Variants in ADAMTSL1 observed in about 807,000 individuals in gnomAD.
The protein encoded by ADAMTSL1 is ADAMTS-like protein 1.
Under a neutral mutation model 201.8 loss-of-function variants are expected in ADAMTSL1, and 126 were observed. The ratio of observed to expected loss-of-function variants is 0.62; its 90% confidence interval spans 0.54 to 0.72. The LOEUF (loss-of-function observed/expected upper bound fraction) is 0.72, where lower values mean the gene tolerates loss of function less well. Ranked by LOEUF, ADAMTSL1 falls within the 30% of genes least tolerant of loss-of-function variation. ADAMTSL1 has a pLI of 0.00. For missense variants in ADAMTSL1, 2,679 were observed against 2,277.8 expected (o/e 1.18, Z -3.59); for synonymous variants, 1,121 against 903.4 (o/e 1.24, Z -4.32).
chr9:18,211,119 A>G (rs962236300), intron 2 of ADAMTSL1, among the ~76,000 whole-genome samples: 2 of 152,136 alleles, frequency 1.3e-5, no homozygotes, highest in African/African-American at 4.8e-5. Flanking sequence ...ATGGTCCCAA[A>G]TTTTTAAACA....
intron 2 of ADAMTSL1, among the ~76,000 whole-genome samples, chr9:18,313,664 A>C (rs1587532849): frequency 6.6e-6 from 1 of 152,312 alleles, no homozygotes; most frequent in South Asian, 2.1e-4. Context: ...TATATTTTTA[A>C]AAAACTTAAA....
At chr9:18,577,292 C>T (rs1037121573) in intron 4 of ADAMTSL1, among the ~76,000 whole-genome samples, 1 of 152,222 alleles carries the variant, frequency 6.6e-6, no homozygotes, top group East Asian at 1.9e-4. Context: ...TTGAGACCTG[C>T]CTGGCCAACA....
intron 1 of ADAMTSL1, among the ~76,000 whole-genome samples, chr9:18,124,554 T>A (rs1038616503): frequency 2.0e-5 from 3 of 152,190 alleles, no homozygotes; most frequent in Non-Finnish European, 4.4e-5. Context: ...TTGTTGGGAA[T>A]GTCCTTTGAT....
At chr9:18,118,571 G>C (rs144334168) in intron 1 of ADAMTSL1, among the ~76,000 whole-genome samples, 4 of 152,140 alleles carry the variant, frequency 2.6e-5, no homozygotes, top group African/African-American at 7.2e-5. Context: ...TGCCTTTAAT[G>C]GGGGAGAGGG....
intron 2 of ADAMTSL1, among the ~76,000 whole-genome samples, chr9:18,386,252 C>A (rs1837785983): frequency 6.6e-6 from 1 of 152,062 alleles, no homozygotes; most frequent in Non-Finnish European, 1.5e-5. Flanking sequence ...ACTGGTTTAC[C>A]ATTTCAAAAT....
At chr9:18,551,457 A>G (rs1289788175) in intron 3 of ADAMTSL1, among the ~76,000 whole-genome samples, 3 of 150,818 alleles carry the variant, frequency 2.0e-5, no homozygotes. Flanking sequence ...TTATATTGAG[A>G]TTGTCTATTC....
intron 2 of ADAMTSL1, among the ~76,000 whole-genome samples, chr9:18,367,540 GA>G (rs1836824466): frequency 6.6e-6 from 1 of 151,854 alleles, no homozygotes; most frequent in Non-Finnish European, 1.5e-5. Flanking sequence ...ACTATTTTAA[GA>G]CACTGATAAT....
At chr9:18,010,918 TTAAA>T (rs1467197521) in intron 1 of ADAMTSL1, among the ~76,000 whole-genome samples, 22 of 152,158 alleles carry the variant, frequency 1.4e-4, no homozygotes, top group African/African-American at 5.1e-4. Flanking sequence ...GTTTAGATAT[TTAAA>T]TAATTATAGA....
intron 1 of ADAMTSL1, among the ~76,000 whole-genome samples, chr9:17,947,372 A>G (rs1001506827): frequency 1.3e-5 from 2 of 151,118 alleles, no homozygotes; most frequent in African/African-American, 4.9e-5. Context: ...ATAATTTTGT[A>G]AACTATAGCT....
At chr9:18,063,531 C>T (rs1034906587) in intron 1 of ADAMTSL1, among the ~76,000 whole-genome samples, 2 of 152,194 alleles carry the variant, frequency 1.3e-5, no homozygotes, top group Admixed American at 6.5e-5. Flanking sequence ...GACACAGAGA[C>T]ATTCATTGTT....
At chr9:18,869,055 AT>A (rs987038210) in intron 23 of ADAMTSL1, among the ~76,000 whole-genome samples, 13 of 152,234 alleles carry the variant, frequency 8.5e-5, no homozygotes, top group African/African-American at 2.9e-4. Flanking sequence ...AAATTTAGAT[AT>A]ACGCAGACAT....
intron 2 of ADAMTSL1, among the ~76,000 whole-genome samples, chr9:18,347,315 C>G (rs1398490938): frequency 6.6e-6 from 1 of 151,332 alleles, no homozygotes; most frequent in Non-Finnish European, 1.5e-5. Flanking sequence ...ATATTGTTAC[C>G]ATATGGATTA....
chr9:18,813,779 CT>C (rs1823661471), intron 20 of ADAMTSL1, among the ~76,000 whole-genome samples: 1 of 152,090 alleles, frequency 6.6e-6, no homozygotes, highest in Non-Finnish European at 1.5e-5. Flanking sequence ...TAACTTTTTC[CT>C]TTCCAATTTG....
chr9:18,276,873 C>T (rs1220436980), intron 2 of ADAMTSL1, among the ~76,000 whole-genome samples: 1 of 152,188 alleles, frequency 6.6e-6, no homozygotes, highest in Non-Finnish European at 1.5e-5. Context: ...GGCCCACCTC[C>T]AACACTGGAG....
chr9:18,155,097 GAAAT>G (rs1386647994), intron 1 of ADAMTSL1, among the ~76,000 whole-genome samples: 4 of 152,072 alleles, frequency 2.6e-5, no homozygotes, highest in African/African-American at 9.6e-5. Flanking sequence ...TTTTGAAGGG[GAAAT>G]AAATCTGTTT....
At chr9:18,823,884 G>A (rs1824368698) in intron 21 of ADAMTSL1, among the ~76,000 whole-genome samples, 1 of 152,096 alleles carries the variant, frequency 6.6e-6, no homozygotes. Context: ...AGCTAACTTG[G>A]GAGGCTGAGA....
intron 2 of ADAMTSL1, among the ~76,000 whole-genome samples, chr9:18,190,438 C>G (rs192656904): frequency 3.3e-5 from 5 of 152,304 alleles, no homozygotes; most frequent in Admixed American, 6.5e-5. Flanking sequence ...CACTCTTGTA[C>G]TTTAAACAGA....
intron 2 of ADAMTSL1, among the ~76,000 whole-genome samples, chr9:18,442,374 C>G (rs1820029490): frequency 6.6e-6 from 1 of 152,032 alleles, no homozygotes; most frequent in African/African-American, 2.4e-5. Flanking sequence ...AACATTTTGC[C>G]AGGTGTTTAT....
chr9:18,272,662 CAT>C (rs1437440569), intron 2 of ADAMTSL1, among the ~76,000 whole-genome samples: 1 of 152,168 alleles, frequency 6.6e-6, no homozygotes, highest in Admixed American at 6.5e-5. Context: ...AGAAGGCACA[CAT>C]GTTTCCTGGA....
Sources: allele counts gnomAD v4.1 joint callset (sites outside exome capture counted in the v4.1 genomes callset), GRCh38; gene constraint gnomAD v4.1.1; transcripts MANE v1.5; gene names NCBI Gene and HGNC (gene_info 2026-07-23, HGNC 2026-07-21).